PTRH1: variants seen among roughly 807,000 people sequenced by gnomAD.
PTRH1 encodes peptidyl-tRNA hydrolase.
Under a neutral mutation model 15.7 loss-of-function variants are expected in PTRH1, and 13 were observed. That is an observed-to-expected ratio of 0.83 (90% confidence interval 0.54 to 1.31). PTRH1 has a LOEUF of 1.31. Ranked by LOEUF, PTRH1 falls within the 40% of genes most tolerant of loss-of-function variation. PTRH1 has a pLI of 0.00. For missense variants in PTRH1, 319 were observed against 296.2 expected, an observed-to-expected ratio of 1.08 and a Z score of -0.56; for synonymous variants, 139 against 136.7, an observed-to-expected ratio of 1.02 and a Z score of -0.12.
At position 127,715,364 on chromosome 9, in the gene PTRH1, G is replaced by A. The variant is rs1236919774; in HGVS notation, c.97-170C>T. The A allele has an allele frequency of 1.6e-5, 20 of 1,223,572 alleles. No individual in the cohort carries two copies. The highest frequency in any genetic ancestry group is 2.2e-5 in the Non-Finnish European group (19 of 860,060). 75.8% of individuals were successfully genotyped at this position (1,223,572 alleles called of 1,614,324 possible). On this transcript the variant is annotated intron_variant, in intron 1 of 4. Transcript: ENST00000543175. The surrounding 1 kb of genome is among the most constrained non-coding windows in gnomAD (Gnocchi z 5.8). The stretch of plus-strand genomic sequence containing the variant: ...CGACCCCTGAGAACTCCAGAAGGCT[G>A]GGCAGGCAGGGCGCCCTAGTGCAGG...
In PTRH1 at chr9:127,715,516, C is replaced by T; in HGVS notation, c.96+28G>A. On this transcript the variant is annotated intron_variant, in intron 1 of 4. Transcript: ENST00000543175. This position sits in a 1 kb window ranked among gnomAD's most constrained non-coding sequence, Gnocchi z 5.8. ...CGAACTGAAGCTAGGGACCGGGAGC[C>T]CCTACGTCGCCGCCCCACGCCACTC... 1 of 1,613,060 alleles carries T rather than the reference C, an allele frequency of 6.2e-7. No homozygotes were observed. The highest frequency in any genetic ancestry group is 8.5e-7 in the Non-Finnish European group (1 of 1,179,934).
chr9:127,707,348 C>T (rs905741190), intron 1 of PTRH1, among the ~76,000 whole-genome samples: 4 of 152,216 alleles, frequency 2.6e-5, no homozygotes, highest in Admixed American at 6.5e-5. Context: ...TTTCCTCATA[C>T]GTACCTTTGG....
chr9:127,701,380 A>G (rs1011681184), intron 1 of PTRH1, among the ~76,000 whole-genome samples: 11 of 152,202 alleles, frequency 7.2e-5, no homozygotes, highest in Non-Finnish European at 1.3e-4. Context: ...GGGGCCACTC[A>G]CTTTAATAAG....
At chr9:127,711,573 G>C (rs1842765974), downstream of PTRH1, 1 of 1,528,558 alleles carries the variant, frequency 6.5e-7, no homozygotes, top group East Asian at 2.3e-5. Flanking sequence ...CAGGGGTAGA[G>C]TCAGGGGCAG....
intron 3 of PTRH1, 22 bp downstream of exon 3, chr9:127,714,581 C>A (rs1389846105): frequency 1.2e-6 from 2 of 1,611,310 alleles, no homozygotes; most frequent in Admixed American, 1.7e-5. Context: ...CTATCCCAAC[C>A]CTGACCATCT....
downstream of PTRH1, chr9:127,713,412 C>A: frequency 2.1e-6 from 1 of 470,186 alleles, no homozygotes; most frequent in Non-Finnish European, 3.7e-6. Flanking sequence ...GGGGGGTTGG[C>A]TGGACCCTGT....
In PTRH1 at chr9:127,715,569, G is replaced by A. The variant is rs1167773899; in HGVS notation, c.71C>T (p.Pro24Leu). ...CATCCACCGCTTCCCCGGGGGGCGA[G>A]GCTCCAAAACACATCGGCTCATGGC... is the stretch of plus-strand genomic sequence containing the variant. ...SRAMSRCVLEPRPPGKRWMVA... is the reference protein window; with the variant it reads ...SRAMSRCVLELRPPGKRWMVA... The change falls in exon 1 of 5, where the codon CCT becomes CTT. Residue 24 changes from proline to leucine, a missense_variant. Pro to Leu is a moderately conservative substitution (Grantham distance 98). Transcript: ENST00000543175. The surrounding 1 kb of genome is among the most constrained non-coding windows in gnomAD (Gnocchi z 5.8). The A allele has an allele frequency of 9.9e-6, 16 of 1,613,430 alleles. No homozygotes were observed. Among genetic ancestry groups the A allele is most frequent in the Non-Finnish European group, 1.3e-5 (15 of 1,180,046 alleles).
At chr9:127,714,942 C>CT in intron 2 of PTRH1, 33 bp downstream of exon 2, 1 of 235,300 alleles carries the variant, frequency 4.2e-6, no homozygotes. Flanking sequence ...ACCCCCTTGG[C>CT]CCGCCCGCCC....
intron 1 of PTRH1, among the ~76,000 whole-genome samples, chr9:127,698,810 AAAAC>A (rs1224666443): frequency 1.3e-5 from 2 of 152,210 alleles, no homozygotes; most frequent in Admixed American, 6.5e-5. Flanking sequence ...GTTTCTAAGA[AAAAC>A]AACAACAAAA....
At chr9:127,712,375 C>T (rs750917269), downstream of PTRH1, 87 of 1,611,584 alleles carry the variant, frequency 5.4e-5, 1 homozygote, top group East Asian at 1.4e-3. Flanking sequence ...AGAGGGAGGG[C>T]GCAAGGGGAG....
At chr9:127,707,339 T>A (rs1842669620) in intron 1 of PTRH1, 5 of 788,584 alleles carry the variant, frequency 6.3e-6, no homozygotes, top group Non-Finnish European at 9.8e-6. Flanking sequence ...CCAGCCTCAT[T>A]TCCTCATACG....
At chr9:127,702,746 C>G (rs1415687349) in intron 1 of PTRH1, among the ~76,000 whole-genome samples, 1 of 151,330 alleles carries the variant, frequency 6.6e-6, no homozygotes, top group Admixed American at 6.6e-5. Context: ...GTGTCTTGCT[C>G]TGTCGTCCAG....
chr9:127,703,921 T>C (rs1842622679), intron 1 of PTRH1, among the ~76,000 whole-genome samples: 2 of 151,968 alleles, frequency 1.3e-5, no homozygotes, highest in African/African-American at 4.8e-5. Context: ...CTGCTTGCAG[T>C]AGAGATTCTG....
Position 127,714,031 on chromosome 9 carries a change from G to A in PTRH1, c.*69C>T, listed in dbSNP as rs755909480. 8.2e-6 allele frequency: 13 copies of A among 1,586,894 alleles called. No homozygotes were observed. Among genetic ancestry groups the A allele is most frequent in the African/African-American group, 5.4e-5 (4 of 74,450 alleles). The stretch of plus-strand genomic sequence containing the variant: ...ATAAAAAGTAGATACCAAGGCTGGC[G>A]TGGCAGCTCTGTGGCAGTGGCTGGG... On this transcript the variant is annotated 3_prime_UTR_variant, in exon 5 of 5. Transcript: ENST00000543175.
At chr9:127,704,209 A>G (rs988289407) in intron 1 of PTRH1, among the ~76,000 whole-genome samples, 1 of 152,322 alleles carries the variant, frequency 6.6e-6, no homozygotes, top group East Asian at 1.9e-4. Flanking sequence ...GAGAGTACAT[A>G]AAATTTAAAA....
intron 1 of PTRH1, among the ~76,000 whole-genome samples, chr9:127,700,285 T>C (rs936226351): frequency 1.3e-5 from 2 of 152,148 alleles, no homozygotes; most frequent in Non-Finnish European, 2.9e-5. Context: ...CTTTAGGCCC[T>C]GTGCTGTCTT....
Position 127,705,752 on chromosome 9 carries a change from G to A in PTRH1, c.205+9683C>T, listed in dbSNP as rs538168457. On this transcript the variant is annotated intron_variant, in intron 1 of 2. Coordinates refer to the PTRH1 transcript ENST00000335223. This position sits in a 1 kb window ranked among gnomAD's most constrained non-coding sequence, Gnocchi z 4.7. ...AGCAGGAGCAGGGCCATCGCATTGA[G>A]CTGGAAGGGCACTGGGCCAGGCCTC... Among the ~76,000 whole-genome samples the A allele has an allele frequency of 1.3e-5, 2 of 152,368 alleles. No individual in the cohort carries two copies. Among genetic ancestry groups the A allele is most frequent in the Non-Finnish European group, 2.9e-5 (2 of 68,032 alleles).
chr9:127,714,925 A>AAACCCC, intron 2 of PTRH1, 50 bp downstream of exon 2: 1 of 313,268 alleles, frequency 3.2e-6, no homozygotes, highest in Non-Finnish European at 5.7e-6. Context: ...CCCGCGCCCC[A>AAACCCC]ACCCCCACCC....
Position 127,715,452 on chromosome 9 carries a change from C to T in PTRH1, c.96+92G>A. 2 of 1,552,532 alleles carry T rather than the reference C, an allele frequency of 1.3e-6. No individual in the cohort carries two copies. Among genetic ancestry groups the T allele is most frequent in the African/African-American group, 1.4e-5 (1 of 73,660 alleles). On this transcript the variant is annotated intron_variant, in intron 1 of 4. Transcript: ENST00000543175. This position sits in a 1 kb window ranked among gnomAD's most constrained non-coding sequence, Gnocchi z 5.8. ...GAACTCACCAGTTAAGAAAACAGAG[C>T]AGCAATTTGGGGGCACTCGGCTCCC...
Sources: gnomAD v4.1 joint callset for allele counts (sites outside exome capture counted in the v4.1 genomes callset) on GRCh38, gnomAD v4.1.1 for gene constraint, Gnocchi (gnomAD v3.1) non-coding constraint, MANE v1.5 for transcripts, NCBI Gene and HGNC (gene_info 2026-07-23, HGNC 2026-07-21) for gene names.